Variants in CDH13 observed in about 807,000 individuals in gnomAD.
CDH13 encodes cadherin-13.
Under a neutral mutation model 63.8 loss-of-function variants are expected in CDH13, and 24 were observed. The observed-to-expected ratio is 0.38, with a 90% CI of 0.27 to 0.53. The LOEUF (loss-of-function observed/expected upper bound fraction) is 0.53. CDH13 is among the 20% of genes least tolerant of loss of function. The probability of loss-of-function intolerance (pLI) is 0.85; values close to 1 mark genes in which losing one functional copy is unlikely to be tolerated. For missense variants in CDH13, 1,049 were observed against 903.1 expected (o/e 1.16, Z -2.07); for synonymous variants, 503 against 355.3 (o/e 1.42, Z -4.67).
intron 6 of CDH13, among the ~76,000 whole-genome samples, chr16:83,416,202 G>C (rs2071542947): frequency 6.6e-6 from 1 of 152,116 alleles, no homozygotes; most frequent in Non-Finnish European, 1.5e-5. Flanking sequence ...GACAGTGAAA[G>C]ACATGTATTC....
chr16:83,215,840 T>C (rs1380576544), intron 4 of CDH13, among the ~76,000 whole-genome samples: 1 of 152,182 alleles, frequency 6.6e-6, no homozygotes, highest in African/African-American at 2.4e-5. Flanking sequence ...GTTCATGACC[T>C]TTCAATTGTT....
chr16:83,028,151 T>A (rs1190619257), intron 2 of CDH13, among the ~76,000 whole-genome samples: 1 of 152,222 alleles, frequency 6.6e-6, no homozygotes, highest in African/African-American at 2.4e-5. Flanking sequence ...TGCTGGCGAT[T>A]GAAGCAGTCA....
At chr16:83,359,502 G>T (rs2091121352) in intron 6 of CDH13, among the ~76,000 whole-genome samples, 1 of 152,114 alleles carries the variant, frequency 6.6e-6, no homozygotes, top group African/African-American at 2.4e-5. Context: ...AGACTCTAGA[G>T]ACCCATGGAG....
At chr16:82,688,457 T>C (rs1246695992) in intron 1 of CDH13, among the ~76,000 whole-genome samples, 2 of 152,342 alleles carry the variant, frequency 1.3e-5, no homozygotes, top group East Asian at 3.9e-4. Flanking sequence ...TCAGCCCTGG[T>C]CATCACCATT....
intron 4 of CDH13, among the ~76,000 whole-genome samples, chr16:83,128,628 C>A (rs1437224418): frequency 1.3e-5 from 2 of 152,204 alleles, no homozygotes; most frequent in Admixed American, 1.3e-4. Context: ...AATTATGTAG[C>A]CATCCTATAG....
chr16:83,690,793 C>T (rs1017336432), intron 10 of CDH13, among the ~76,000 whole-genome samples: 3 of 152,112 alleles, frequency 2.0e-5, no homozygotes, highest in Non-Finnish European at 2.9e-5. Flanking sequence ...ACGATTTTGG[C>T]TCACTGCTAC....
At chr16:83,765,146 T>C (rs1597199008) in intron 11 of CDH13, among the ~76,000 whole-genome samples, 1 of 152,212 alleles carries the variant, frequency 6.6e-6, no homozygotes, top group African/African-American at 2.4e-5. Context: ...ACATATCTGT[T>C]CCTGCCATAG....
At chr16:83,596,520 G>A (rs1907274985) in intron 7 of CDH13, among the ~76,000 whole-genome samples, 1 of 152,192 alleles carries the variant, frequency 6.6e-6, no homozygotes, top group South Asian at 2.1e-4. Flanking sequence ...TGGAGAAAGG[G>A]CATCTGTGGG....
chr16:83,646,712 A>C (rs200103188), intron 8 of CDH13, among the ~76,000 whole-genome samples: 21,550 of 81,938 alleles, frequency 0.26, 3,041 homozygotes, highest in East Asian at 0.44. Flanking sequence ...AAAAAAAAAA[A>C]ACACACACAC....
At chr16:83,300,866 C>T (rs757262768) in intron 5 of CDH13, among the ~76,000 whole-genome samples, 35 of 152,116 alleles carry the variant, frequency 2.3e-4, no homozygotes, top group African/African-American at 4.8e-4. Context: ...AGGAAAGCTA[C>T]ATAGCGCTAA....
intron 3 of CDH13, among the ~76,000 whole-genome samples, chr16:83,064,012 G>T (rs1045574031): frequency 3.3e-5 from 5 of 152,154 alleles, no homozygotes; most frequent in African/African-American, 1.2e-4. Context: ...GCCAGAAAAA[G>T]TCAGATGAGT....
At chr16:83,282,135 A>G (rs1184117306) in intron 5 of CDH13, among the ~76,000 whole-genome samples, 3 of 152,156 alleles carry the variant, frequency 2.0e-5, no homozygotes, top group Non-Finnish European at 2.9e-5. Context: ...CAGAGCATAC[A>G]CCACATTTAT....
Position 82,864,773 on chromosome 16 carries a change from A to G in CDH13, c.157+6300A>G, listed in dbSNP as rs540356959. On this transcript the variant is annotated intron_variant, in intron 2 of 13. Transcript: ENST00000567109. The stretch of plus-strand genomic sequence containing the variant: ...TTTCACATTTGAAAACTAATCACAC[A>G]TTCTCAACAGTTCCCGAAAGTCTTA... 9.2e-5 allele frequency among the ~76,000 whole-genome samples: 14 copies of G among 152,250 alleles called. No homozygotes were observed. In the East Asian group the frequency reaches 2.5e-3, roughly 27 times the overall value.
chr16:83,152,399 G>T (rs113550690), intron 4 of CDH13, among the ~76,000 whole-genome samples: 1 of 152,096 alleles, frequency 6.6e-6, no homozygotes, highest in African/African-American at 2.4e-5. Context: ...GAAAATATAG[G>T]TTATAAAACA....
chr16:83,572,360 C>T (rs1004746492), intron 7 of CDH13, among the ~76,000 whole-genome samples: 9 of 152,096 alleles, frequency 5.9e-5, no homozygotes, highest in East Asian at 1.9e-4. Context: ...AGGCTGGTCT[C>T]GAACTCCTGA....
intron 5 of CDH13, among the ~76,000 whole-genome samples, chr16:83,265,065 C>G (rs943514508): frequency 2.0e-4 from 31 of 152,272 alleles, no homozygotes; most frequent in African/African-American, 6.7e-4. Context: ...AAATCCTATG[C>G]CAAACATTCC....
At chr16:82,640,099 A>G (rs1048743054) in intron 1 of CDH13, among the ~76,000 whole-genome samples, 1 of 152,248 alleles carries the variant, frequency 6.6e-6, no homozygotes, top group Non-Finnish European at 1.5e-5. Context: ...AACAAGAAAA[A>G]TAAATAAATA....
chr16:83,180,793 A>G, intron 4 of CDH13: 2 of 971,272 alleles, frequency 2.1e-6, no homozygotes, highest in South Asian at 1.5e-5. Context: ...TGCTTAATCC[A>G]TGATGCTGTA....
At chr16:82,687,565 T>C (rs1302085708) in intron 1 of CDH13, among the ~76,000 whole-genome samples, 1 of 152,098 alleles carries the variant, frequency 6.6e-6, no homozygotes, top group African/African-American at 2.4e-5. Flanking sequence ...AACTCCCATG[T>C]ATAAAACCAT....
Sources: gnomAD v4.1 joint callset for allele counts (sites outside exome capture counted in the v4.1 genomes callset) on GRCh38, gnomAD v4.1.1 for gene constraint, MANE v1.5 for transcripts, NCBI Gene and HGNC (gene_info 2026-07-23, HGNC 2026-07-21) for gene names.